IL1RAPL2: variants seen among roughly 807,000 people sequenced by gnomAD.
The protein encoded by IL1RAPL2 is interleukin 1 receptor accessory protein like 2, also known as X-linked interleukin-1 receptor accessory protein-like 2.
IL1RAPL2 carries 3 observed loss-of-function variants against 44.1 expected under a neutral mutation model. The ratio of observed to expected loss-of-function variants is 0.07; its 90% CI spans 0.03 to 0.18. The LOEUF is 0.18. Among genes scored for constraint, IL1RAPL2 ranks in the 10% least tolerant of loss-of-function variants. IL1RAPL2 has a pLI of 1.00. For synonymous variants in IL1RAPL2, 181 were observed against 178.8 expected, an observed-to-expected ratio of 1.01 and a Z score of -0.10; for missense variants, 391 against 496.4, an observed-to-expected ratio of 0.79 and a Z score of 2.02.
chrX:104,905,322 T>G (rs1391430379), intron 2 of IL1RAPL2, among the ~76,000 whole-genome samples: 1 of 111,806 alleles, frequency 8.9e-6, no homozygotes, highest in Non-Finnish European at 1.9e-5. Context: ...ATCCCATTTG[T>G]CAATTTTGGC....
intron 2 of IL1RAPL2, among the ~76,000 whole-genome samples, chrX:104,670,945 T>C (rs748406127): frequency 9.0e-6 from 1 of 111,532 alleles, no homozygotes; most frequent in South Asian, 3.8e-4. Flanking sequence ...GCAAGACCTC[T>C]ACTTATGAAA....
chrX:105,406,374 TG>T (rs1183725050), intron 5 of IL1RAPL2: 1 of 1,061,959 alleles, frequency 9.4e-7, no homozygotes, highest in African/African-American at 1.8e-5. Context: ...ATTAATTTAT[TG>T]GGTGTGTTAG....
Position 105,216,159 on chromosome X carries a change from G to T in IL1RAPL2, c.357-17659G>T, listed in dbSNP as rs1024027066. On this transcript the variant is annotated intron_variant, in intron 3 of 10. Coordinates refer to ENST00000372582, the MANE Select transcript of IL1RAPL2 (RefSeq NM_017416.2). ...GAAGCGCATTCTAATAGGAAGAGAG[G>T]AAGTCAAATTGTCTCTGTTTGCAGA... Among the ~76,000 whole-genome samples, 97 of 111,350 alleles carry T rather than the reference G, an allele frequency of 8.7e-4. 1 individual carries two copies. Among genetic ancestry groups the T allele is most frequent in the Non-Finnish European group, 1.7e-4 (9 of 53,108 alleles).
chrX:105,449,822 C>T (rs1339510596), intron 5 of IL1RAPL2, among the ~76,000 whole-genome samples: 1 of 111,714 alleles, frequency 9.0e-6, no homozygotes, highest in Admixed American at 9.5e-5. Context: ...CTTACTTTAT[C>T]CCAAACAAAT....
chrX:104,875,368 C>T (rs1267635015), intron 2 of IL1RAPL2, among the ~76,000 whole-genome samples: 1 of 103,234 alleles, frequency 9.7e-6, no homozygotes, highest in East Asian at 3.1e-4. Flanking sequence ...GATATGGCCC[C>T]TACCTCAAGA....
intron 6 of IL1RAPL2, among the ~76,000 whole-genome samples, chrX:105,509,023 G>C (rs1442283315): frequency 9.0e-6 from 1 of 111,482 alleles, no homozygotes; most frequent in East Asian, 2.9e-4. Flanking sequence ...TCATTTAACA[G>C]ATATTTATTG....
intron 2 of IL1RAPL2, among the ~76,000 whole-genome samples, chrX:104,846,563 A>C (rs1446249989): frequency 8.9e-6 from 1 of 111,819 alleles, no homozygotes; most frequent in Non-Finnish European, 1.9e-5. Flanking sequence ...TCCATGGTGT[A>C]TATGTGCCAC....
At chrX:104,917,527 A>G (rs1469443507) in intron 2 of IL1RAPL2, among the ~76,000 whole-genome samples, 1 of 111,705 alleles carries the variant, frequency 9.0e-6, no homozygotes, top group Non-Finnish European at 1.9e-5. Context: ...TGTGGGTTCT[A>G]AAGGGAGGGC....
intron 5 of IL1RAPL2, among the ~76,000 whole-genome samples, chrX:105,384,265 G>A (rs1313976476): frequency 9.0e-6 from 1 of 111,202 alleles, no homozygotes; most frequent in African/African-American, 3.3e-5. Flanking sequence ...TCTTTAATTT[G>A]TTTTTGATTT....
At chrX:104,882,225 T>A (rs367899845) in intron 2 of IL1RAPL2, among the ~76,000 whole-genome samples, 4 of 112,185 alleles carry the variant, frequency 3.6e-5, no homozygotes, top group African/African-American at 1.3e-4. Context: ...TGGCTTCAGG[T>A]ATATTTTTAA....
chrX:104,971,663 T>C (rs1218474152), intron 2 of IL1RAPL2, among the ~76,000 whole-genome samples: 8 of 111,536 alleles, frequency 7.2e-5, no homozygotes, highest in Middle Eastern at 4.6e-3. Context: ...CTTTAGTCCC[T>C]GACCTGTGTT....
chrX:105,585,740 C>T (rs2037123474), intron 6 of IL1RAPL2, among the ~76,000 whole-genome samples: 1 of 111,174 alleles, frequency 9.0e-6, no homozygotes, highest in Non-Finnish European at 1.9e-5. Flanking sequence ...GTATATGTTA[C>T]CACATTTTCT....
At chrX:104,797,018 C>A (rs753699598) in intron 2 of IL1RAPL2, among the ~76,000 whole-genome samples, 2 of 110,655 alleles carry the variant, frequency 1.8e-5, no homozygotes, top group African/African-American at 6.6e-5. Context: ...TGATCCCGCC[C>A]GCCTCGGCCT....
chrX:105,398,041 T>C (rs2035577100), intron 5 of IL1RAPL2, among the ~76,000 whole-genome samples: 1 of 111,716 alleles, frequency 9.0e-6, no homozygotes, highest in Non-Finnish European at 1.9e-5. Flanking sequence ...AATCATTAAT[T>C]ATACCGTCCC....
At chrX:105,141,075 T>C (rs1276926093) in intron 2 of IL1RAPL2, among the ~76,000 whole-genome samples, 1 of 112,101 alleles carries the variant, frequency 8.9e-6, no homozygotes, top group East Asian at 2.8e-4. Flanking sequence ...TTTTCATTAG[T>C]AAGTTATTTA....
chrX:104,701,872 G>T (rs1051989927), intron 2 of IL1RAPL2, among the ~76,000 whole-genome samples: 2 of 111,928 alleles, frequency 1.8e-5, no homozygotes, highest in African/African-American at 6.5e-5. Context: ...TGGTAAGTAT[G>T]CAGTGTTACA....
chrX:105,272,167 G>A (rs372665920), intron 5 of IL1RAPL2, among the ~76,000 whole-genome samples: 3 of 106,024 alleles, frequency 2.8e-5, no homozygotes, highest in East Asian at 6.2e-4. Flanking sequence ...AGCATTGGGA[G>A]ATATACCTAA....
intron 6 of IL1RAPL2, among the ~76,000 whole-genome samples, chrX:105,712,776 G>A (rs947908973): frequency 4.4e-4 from 49 of 111,714 alleles, no homozygotes; most frequent in African/African-American, 1.5e-3. Context: ...CAAGTCCAAA[G>A]TCTCATCTGA....
chrX:105,174,138 G>A (rs1252770308), intron 2 of IL1RAPL2, among the ~76,000 whole-genome samples: 1 of 110,786 alleles, frequency 9.0e-6, no homozygotes, highest in African/African-American at 3.3e-5. Context: ...CCTTTCCTAT[G>A]AGGAGCTGAC....
Sources: gnomAD v4.1 joint callset for allele counts (sites outside exome capture counted in the v4.1 genomes callset) on GRCh38, gnomAD v4.1.1 for gene constraint, MANE v1.5 for transcripts, NCBI Gene and HGNC (gene_info 2026-07-23, HGNC 2026-07-21) for gene names.